The following TMEM132B variants were observed in gnomAD, a reference collection of about 807,000 sequenced individuals.
The protein encoded by TMEM132B is transmembrane protein 132B.
TMEM132B carries 18 observed loss-of-function variants against 90.8 expected under a neutral mutation model. The ratio of observed to expected loss-of-function variants is 0.20; its 90% CI spans 0.14 to 0.29. The LOEUF is 0.29. Among genes scored for constraint, TMEM132B ranks in the 10% least tolerant of loss-of-function variants. The pLI is 1.00. For missense variants in TMEM132B, 1,096 were observed against 1,326.8 expected (o/e 0.83, Z 2.70); for synonymous variants, 504 against 523.3 (o/e 0.96, Z 0.50).
Position 125,247,741 on chromosome 12 carries a change from C to T in TMEM132B, c.67+60875C>T, listed in dbSNP as rs761035048. ...ATCAGAGCATAGCATTTCCCCTAGC[C>T]GATGTCACCGGCCCTGGGATAGGCC... On this transcript the variant is annotated intron_variant, in intron 1 of 8. Transcript: ENST00000682704. 8.5e-5 allele frequency among the ~76,000 whole-genome samples: 13 copies of T among 152,302 alleles called. No homozygotes were observed. In the East Asian group the frequency reaches 1.2e-3, roughly 14 times the overall value.
chr12:125,230,952 A>G (rs1011637910), intron 1 of TMEM132B, among the ~76,000 whole-genome samples: 5 of 152,142 alleles, frequency 3.3e-5, no homozygotes, highest in African/African-American at 1.2e-4. Context: ...GGTGAGTTAT[A>G]CTAATTTCCT....
At chr12:125,296,890 G>A (rs989169390) in intron 1 of TMEM132B, among the ~76,000 whole-genome samples, 3 of 152,218 alleles carry the variant, frequency 2.0e-5, no homozygotes, top group African/African-American at 7.2e-5. Flanking sequence ...ACTGACAGCC[G>A]GGGCCTGGTA....
chr12:125,253,575 C>T (rs1189592558), intron 1 of TMEM132B, among the ~76,000 whole-genome samples: 1 of 152,006 alleles, frequency 6.6e-6, no homozygotes, highest in East Asian at 1.9e-4. Context: ...GCTGAGACTA[C>T]AGGTGTGTAC....
chr12:125,648,268 G>A (rs1273641358), intron 6 of TMEM132B, among the ~76,000 whole-genome samples: 2 of 152,162 alleles, frequency 1.3e-5, no homozygotes, highest in East Asian at 3.9e-4. Context: ...ATTCCATGGT[G>A]TATATGTGCC....
intron 3 of TMEM132B, among the ~76,000 whole-genome samples, chr12:125,508,039 A>G (rs1882889502): frequency 6.6e-6 from 1 of 152,216 alleles, no homozygotes; most frequent in Non-Finnish European, 1.5e-5. Flanking sequence ...GGCTTCCTGG[A>G]CACATTACAC....
In TMEM132B at chr12:125,655,923, G is replaced by A. The variant is rs1203209621; in HGVS notation, c.*1213G>A. The A allele has an allele frequency of 1.3e-5, 2 of 151,630 alleles. No homozygotes were observed. Among genetic ancestry groups the A allele is most frequent in the African/African-American group, 2.4e-5 (1 of 41,248 alleles). The allele number at this position is 151,630 out of a possible 1,614,324, so 9.4% of individuals were successfully genotyped here. On this transcript the variant is annotated 3_prime_UTR_variant, in exon 9 of 9. Transcript: ENST00000682704. ...TTGGCAGAGATAAAACATTGACAAG[G>A]GTGTGCATTTGTGGAGAGAAGCAGT...
At chr12:125,487,731 C>T (rs143357544) in intron 3 of TMEM132B, among the ~76,000 whole-genome samples, 19 of 152,266 alleles carry the variant, frequency 1.2e-4, no homozygotes, top group African/African-American at 3.4e-4. Flanking sequence ...GCAGAAATGG[C>T]GAGGTGAACA....
At chr12:125,594,752 T>G (rs865859559) in intron 5 of TMEM132B, among the ~76,000 whole-genome samples, 18 of 152,222 alleles carry the variant, frequency 1.2e-4, no homozygotes, top group African/African-American at 4.3e-4. Flanking sequence ...GAGTTGTTTT[T>G]ATATTCTGGA....
Position 125,408,310 on chromosome 12 carries a change from G to A in TMEM132B, c.960-7221G>A, listed in dbSNP as rs186118145. On this transcript the variant is annotated intron_variant, in intron 2 of 8. Coordinates refer to ENST00000682704, the MANE Select transcript of TMEM132B (RefSeq NM_001366854.1). The surrounding 1 kb of genome is among the most constrained non-coding windows in gnomAD (Gnocchi z 5.9). ...GAACGTCTGTATCCCCCACAAATTC[G>A]CATGTTGAAATTCTTATCCCCAAGG... Among the ~76,000 whole-genome samples, 1 of 152,136 alleles carries A rather than the reference G, an allele frequency of 6.6e-6. No individual in the cohort carries two copies. The highest frequency in any genetic ancestry group is 2.4e-5 in the African/African-American group (1 of 41,420).
intron 3 of TMEM132B, among the ~76,000 whole-genome samples, chr12:125,430,037 T>C (rs1880451612): frequency 6.6e-6 from 1 of 152,234 alleles, no homozygotes; most frequent in Non-Finnish European, 1.5e-5. Flanking sequence ...AACTAGTCCT[T>C]GAGCTCTGGG....
intron 2 of TMEM132B, among the ~76,000 whole-genome samples, chr12:125,361,269 T>C (rs1390804877): frequency 6.6e-6 from 1 of 152,056 alleles, no homozygotes; most frequent in African/African-American, 2.4e-5. Context: ...TTCCTCCATT[T>C]AGAGATGAAG....
intron 5 of TMEM132B, among the ~76,000 whole-genome samples, chr12:125,630,953 T>G (rs1416911068): frequency 6.6e-6 from 1 of 152,126 alleles, no homozygotes; most frequent in Non-Finnish European, 1.5e-5. Flanking sequence ...TTTGTTTCAT[T>G]GATCTTTTGT....
intron 4 of TMEM132B, among the ~76,000 whole-genome samples, chr12:125,581,755 A>C (rs1411558864): frequency 6.6e-6 from 1 of 151,150 alleles, no homozygotes; most frequent in Admixed American, 6.6e-5. Flanking sequence ...TGAACTTAGC[A>C]GTTTGTTCTG....
intron 1 of TMEM132B, among the ~76,000 whole-genome samples, chr12:125,261,757 G>A (rs1187919959): frequency 6.6e-6 from 1 of 152,162 alleles, no homozygotes; most frequent in Non-Finnish European, 1.5e-5. Flanking sequence ...AGAAAAAGGG[G>A]TTATATGTGT....
intron 4 of TMEM132B, among the ~76,000 whole-genome samples, chr12:125,527,678 A>G (rs1224973751): frequency 3.6e-5 from 5 of 139,738 alleles, no homozygotes; most frequent in Non-Finnish European, 1.5e-5. Flanking sequence ...TTACCCATTC[A>G]CCCTTCCAAC....
intron 5 of TMEM132B, among the ~76,000 whole-genome samples, chr12:125,604,755 A>C (rs1885652668): frequency 6.6e-6 from 1 of 152,242 alleles, no homozygotes; most frequent in Non-Finnish European, 1.5e-5. Flanking sequence ...AACCAAAGGA[A>C]GGAACACTTT....
At chr12:125,639,715 T>C (rs1886580155) in intron 5 of TMEM132B, among the ~76,000 whole-genome samples, 1 of 152,204 alleles carries the variant, frequency 6.6e-6, no homozygotes, top group Admixed American at 6.5e-5. Flanking sequence ...TGTTGTAAAT[T>C]CAGTGTACAC....
At chr12:125,197,487 C>G (rs1287881353) in intron 1 of TMEM132B, among the ~76,000 whole-genome samples, 3 of 152,172 alleles carry the variant, frequency 2.0e-5, no homozygotes, top group Non-Finnish European at 2.9e-5. Context: ...AGCCATAGGC[C>G]ACGGACCAAA....
chr12:125,321,848 C>T (rs566933702), intron 1 of TMEM132B, among the ~76,000 whole-genome samples: 1 of 151,010 alleles, frequency 6.6e-6, no homozygotes, highest in South Asian at 2.1e-4. Flanking sequence ...TAGATATCTA[C>T]TTTAAAAAAA....
Sources: gnomAD v4.1 joint callset for allele counts (sites outside exome capture counted in the v4.1 genomes callset) on GRCh38, gnomAD v4.1.1 for gene constraint, Gnocchi (gnomAD v3.1) non-coding constraint, MANE v1.5 for transcripts, NCBI Gene and HGNC (gene_info 2026-07-23, HGNC 2026-07-21) for gene names.